The following DEAF1 variants were observed in gnomAD, a reference collection of about 807,000 sequenced individuals.
DEAF1 encodes the protein deformed epidermal autoregulatory factor 1 homolog.
In DEAF1, 53 loss-of-function variants were observed where a neutral mutation model predicts 58.9. The observed-to-expected ratio is 0.90, with a 90% CI of 0.72 to 1.13. DEAF1 has a LOEUF of 1.13. Among genes scored for constraint, DEAF1 ranks in the 50% most tolerant of loss-of-function variants. DEAF1 has a pLI of 0.00. For missense variants in DEAF1, 685 were observed against 791.4 expected, an observed-to-expected ratio of 0.87 and a Z score of 1.61; for synonymous variants, 385 against 340.4, an observed-to-expected ratio of 1.13 and a Z score of -1.44.
At chr11:683,699 T>A (rs980564553) in intron 6 of DEAF1, among the ~76,000 whole-genome samples, 8 of 152,250 alleles carry the variant, frequency 5.3e-5, no homozygotes, top group Non-Finnish European at 1.2e-4. Context: ...GTGTTAAACC[T>A]ACGAATCAAC....
At chr11:706,089 C>T (rs992190944) in intron 1 of DEAF1, 1 of 152,158 alleles carries the variant, frequency 6.6e-6, no homozygotes, top group Non-Finnish European at 1.5e-5. Flanking sequence ...CCCACGCCCT[C>T]CTCCCCCGCG....
chr11:663,453 C>T (rs1048398035), intron 10 of DEAF1, among the ~76,000 whole-genome samples: 1 of 152,206 alleles, frequency 6.6e-6, no homozygotes, highest in African/African-American at 2.4e-5. Context: ...ACAACAACAA[C>T]AAAAGACTGC....
chr11:700,907 TG>T (rs2133466354), intron 1 of DEAF1: 1 of 617,698 alleles, frequency 1.6e-6, no homozygotes, highest in Non-Finnish European at 2.9e-6. Context: ...CAAATAACAC[TG>T]GGGGCATCGT....
intron 10 of DEAF1, 114 bp from the exon 11 acceptor site, chr11:654,165 CTT>C (rs369963488): frequency 0.031 from 12,065 of 392,284 alleles, 3 homozygotes; most frequent in East Asian, 0.047. Context: ...ATTGGACCCC[CTT>C]TTTTTTTTTT....
At chr11:654,335 T>G (rs1444908371) in intron 10 of DEAF1, among the ~76,000 whole-genome samples, 1 of 150,772 alleles carries the variant, frequency 6.6e-6, no homozygotes, top group African/African-American at 2.5e-5. Flanking sequence ...CCCAGCTAAT[T>G]TGTGTATTTT....
chr11:644,834 C>T lies in DEAF1; in HGVS notation c.1594-180G>A, dbSNP rs1030737159. Among the ~76,000 whole-genome samples, 2 of 152,110 alleles carry T rather than the reference C, an allele frequency of 1.3e-5. No homozygotes were observed. The highest frequency in any genetic ancestry group is 6.5e-5 in the Admixed American group (1 of 15,272). On this transcript the variant is annotated intron_variant, in intron 11 of 11. Transcript: ENST00000382409. The surrounding 1 kb of genome is among the most constrained non-coding windows in gnomAD (Gnocchi z 4.3). ...GTGGGCTCTGCTCCAATACAGCCTT[C>T]CCCACACTCTCTTGGTTTGAGGAAT...
chr11:691,037 C>A (rs990744739), intron 2 of DEAF1, among the ~76,000 whole-genome samples: 8 of 152,252 alleles, frequency 5.3e-5, no homozygotes, highest in Non-Finnish European at 1.0e-4. Flanking sequence ...ATTTGAAATG[C>A]AACTGGCTTT....
intron 10 of DEAF1, chr11:654,608 C>T (rs1353656402): frequency 8.8e-6 from 4 of 455,280 alleles, no homozygotes; most frequent in South Asian, 3.1e-5. Context: ...GGAGCAGCGG[C>T]TCATACCTGT....
At chr11:660,461 C>T (rs1303175299) in intron 10 of DEAF1, among the ~76,000 whole-genome samples, 10 of 152,362 alleles carry the variant, frequency 6.6e-5, no homozygotes, top group Middle Eastern at 6.8e-3. Context: ...GCCCCGCCGG[C>T]GCCGCCTCAC....
intron 1 of DEAF1, chr11:703,384 A>C: frequency 7.3e-7 from 1 of 1,371,392 alleles, no homozygotes. Context: ...GACCAGACAG[A>C]ACTGCCTTCA....
intron 11 of DEAF1, among the ~76,000 whole-genome samples, chr11:653,115 G>A (rs1858862161): frequency 7.1e-6 from 1 of 140,130 alleles, no homozygotes; most frequent in Admixed American, 7.1e-5. Flanking sequence ...AAAAAAGAGT[G>A]ACTAAATGCT....
At chr11:670,724 ATATC>A (rs999391981) in intron 10 of DEAF1, among the ~76,000 whole-genome samples, 3 of 146,856 alleles carry the variant, frequency 2.0e-5, no homozygotes, top group African/African-American at 7.6e-5. Context: ...AAATATATAT[ATATC>A]TTTTTCTTTA....
At chr11:687,101 C>A in intron 4 of DEAF1, 104 bp from the exon 5 acceptor site, 2 of 1,546,038 alleles carry the variant, frequency 1.3e-6, no homozygotes, top group Non-Finnish European at 1.8e-6. Context: ...CACCAGCGCC[C>A]CAGCGGCTCA....
At chr11:701,656 A>C (rs183249063) in intron 1 of DEAF1, among the ~76,000 whole-genome samples, 3 of 150,926 alleles carry the variant, frequency 2.0e-5, no homozygotes, top group Non-Finnish European at 3.0e-5. Flanking sequence ...TGATCCGCCC[A>C]CCTCGGCCTC....
intron 6 of DEAF1, among the ~76,000 whole-genome samples, chr11:682,263 T>C (rs933072939): frequency 2.6e-5 from 4 of 152,238 alleles, no homozygotes; most frequent in Admixed American, 1.3e-4. Context: ...AACAATGCCC[T>C]GGGGCACACA....
exon 1 of DEAF1, among the ~76,000 whole-genome samples, chr11:707,034 C>G (rs1421017320): frequency 2.6e-5 from 4 of 152,054 alleles, no homozygotes; most frequent in Admixed American, 2.6e-4. Context: ...CGGGCATGCC[C>G]GGACCTCTGC....
At chr11:682,977 G>T (rs1860442009) in intron 6 of DEAF1, among the ~76,000 whole-genome samples, 1 of 152,236 alleles carries the variant, frequency 6.6e-6, no homozygotes, top group East Asian at 1.9e-4. Flanking sequence ...CCACCATAGG[G>T]AGCTGGGGGC....
intron 4 of DEAF1, among the ~76,000 whole-genome samples, 190 bp from the exon 5 acceptor site, chr11:687,187 C>T (rs1329564195): frequency 2.6e-5 from 4 of 152,244 alleles, no homozygotes; most frequent in African/African-American, 9.6e-5. Context: ...TGCCTCTGAC[C>T]CCCTACGTGA....
upstream of DEAF1, among the ~76,000 whole-genome samples, chr11:697,024 T>C (rs796158740): frequency 2.6e-5 from 2 of 76,150 alleles, no homozygotes; most frequent in Admixed American, 1.8e-4. Flanking sequence ...GTGGGGGGGG[T>C]GGGGTGCGGA....
Sources: gnomAD v4.1 joint callset for allele counts (sites outside exome capture counted in the v4.1 genomes callset) on GRCh38, gnomAD v4.1.1 for gene constraint, Gnocchi (gnomAD v3.1) non-coding constraint, MANE v1.5 for transcripts, NCBI Gene and HGNC (gene_info 2026-07-23, HGNC 2026-07-21) for gene names.